STK33: variants seen among roughly 807,000 people sequenced by gnomAD.
STK33 encodes serine/threonine-protein kinase 33.
Under a neutral mutation model 58.0 loss-of-function variants are expected in STK33, and 52 were observed. The observed-to-expected ratio is 0.90, with a 90% confidence interval of 0.72 to 1.13. The LOEUF is 1.13. STK33 is among the 50% of genes most tolerant of loss of function. STK33 has a pLI of 0.00. For synonymous variants in STK33, 215 were observed against 200.1 expected (o/e 1.07, Z -0.63); for missense variants, 630 against 604.2 (o/e 1.04, Z -0.45).
intron 14 of STK33, 89 bp downstream of exon 14, chr11:8,435,405 T>G (rs1450706050): frequency 5.8e-6 from 4 of 690,156 alleles, no homozygotes; most frequent in East Asian, 6.5e-5. Context: ...ATTGACTGTT[T>G]TAAGACTATG....
chr11:8,486,023 A>G (rs967988454), intron 1 of STK33, among the ~76,000 whole-genome samples: 2 of 152,098 alleles, frequency 1.3e-5, no homozygotes, highest in African/African-American at 4.8e-5. Context: ...CTCTATTCCA[A>G]ATATCACAAT....
chr11:8,407,846 C>T (rs1304366904), intron 15 of STK33, among the ~76,000 whole-genome samples: 2 of 152,002 alleles, frequency 1.3e-5, no homozygotes, highest in Non-Finnish European at 2.9e-5. Context: ...GCTCAGCAAA[C>T]CCCAAGCAGG....
the STK33 span, among the ~76,000 whole-genome samples, chr11:8,364,531 C>G: frequency 6.6e-6 from 1 of 152,196 alleles, no homozygotes; most frequent in Non-Finnish European, 1.5e-5. Flanking sequence ...ATGGAGCAAC[C>G]TGCAAACTGA....
At chr11:8,556,102 G>T (rs1407232444) in intron 1 of STK33, among the ~76,000 whole-genome samples, 3 of 152,298 alleles carry the variant, frequency 2.0e-5, no homozygotes, top group Middle Eastern at 3.4e-3. Flanking sequence ...CAGAAGTTCT[G>T]TTGGCCAAGA....
At position 8,457,333 on chromosome 11, in the gene STK33, C is replaced by T; in HGVS notation, c.697+8G>A. 1 of 1,558,604 alleles carries T rather than the reference C, an allele frequency of 6.4e-7. No individual in the cohort carries two copies. Among genetic ancestry groups the T allele is most frequent in the Non-Finnish European group, 8.8e-7 (1 of 1,141,522 alleles). On this transcript the variant is annotated splice_region_variant and intron_variant, in intron 9 of 15. Transcript: ENST00000687296. ...TGGGGTCAATGAGCTGGATAACCCT[C>T]TTCTTACCATTATTGTGAAGATATG...
the STK33 span, among the ~76,000 whole-genome samples, chr11:8,335,158 G>T: frequency 6.6e-6 from 1 of 152,216 alleles, no homozygotes; most frequent in African/African-American, 2.4e-5. Context: ...AGAGAGGCCA[G>T]AAGTGCCTCG....
At chr11:8,453,354 C>T (rs1377622327) in intron 10 of STK33, among the ~76,000 whole-genome samples, 1 of 152,112 alleles carries the variant, frequency 6.6e-6, no homozygotes, top group Non-Finnish European at 1.5e-5. Flanking sequence ...AAATAATTAT[C>T]CCTGTCAGCA....
At chr11:8,541,384 C>A (rs1955508157) in intron 1 of STK33, among the ~76,000 whole-genome samples, 1 of 152,100 alleles carries the variant, frequency 6.6e-6, no homozygotes, top group Admixed American at 6.5e-5. Flanking sequence ...AACTCAGTAG[C>A]TATTGTCCAG....
chr11:8,339,665 C>G, the STK33 span, among the ~76,000 whole-genome samples: 1 of 152,244 alleles, frequency 6.6e-6, no homozygotes, highest in Admixed American at 6.5e-5. Context: ...CAGGGACCAG[C>G]CCAGACGTTC....
At chr11:8,398,534 T>A (rs1849786008) in intron 15 of STK33, among the ~76,000 whole-genome samples, 1 of 152,172 alleles carries the variant, frequency 6.6e-6, no homozygotes, top group Non-Finnish European at 1.5e-5. Context: ...CCATCAAGGC[T>A]AGGAAGAAAC....
rs377657376 is a variant in STK33 at position 8,523,133 on chromosome 11, G to A, written c.-465-42519C>T. Among the ~76,000 whole-genome samples the A allele has an allele frequency of 3.3e-5, 5 of 152,294 alleles. No individual in the cohort carries two copies. In the East Asian group the frequency reaches 9.7e-4, roughly 29 times the overall value. ...GGCTGGAGGGCAGTGGCGTGATCTC[G>A]GCTGGCTACAACCTCCACCTCCCAG... On this transcript the variant is annotated intron_variant, in intron 1 of 15. Coordinates refer to ENST00000687296, the MANE Select transcript of STK33 (RefSeq NM_001352389.2).
chr11:8,550,853 A>G (rs1956253399), intron 1 of STK33, among the ~76,000 whole-genome samples: 1 of 152,156 alleles, frequency 6.6e-6, no homozygotes, highest in Admixed American at 6.6e-5. Context: ...AAACTGTTGC[A>G]ACCCCTGCCT....
At chr11:8,452,949 T>C (rs752788419) in intron 10 of STK33, 43 bp from the exon 11 acceptor site, 44 of 1,515,852 alleles carry the variant, frequency 2.9e-5, no homozygotes, top group South Asian at 4.5e-5. Context: ...TTTCCTGTCC[T>C]AGAGCTCACT....
At position 8,513,092 on chromosome 11, in the gene STK33, A is replaced by G. The variant is rs183118834; in HGVS notation, c.-465-32478T>C. On this transcript the variant is annotated intron_variant, in intron 1 of 15. Coordinates refer to ENST00000687296, the MANE Select transcript of STK33 (RefSeq NM_001352389.2). ...GGCACTCTTATGAATAATGATGCAT[A>G]TAAGTTGCTAATGTATACCATCACT... Among the ~76,000 whole-genome samples the G allele has an allele frequency of 9.8e-5, 15 of 152,328 alleles. No individual in the cohort carries two copies. In the East Asian group the frequency reaches 2.3e-3, roughly 23 times the overall value.
At chr11:8,365,847 C>T in the STK33 span, among the ~76,000 whole-genome samples, 1 of 152,162 alleles carries the variant, frequency 6.6e-6, no homozygotes, top group Non-Finnish European at 1.5e-5. Flanking sequence ...GCCCACCTTC[C>T]ACCCCACAGA....
At chr11:8,454,064 T>C (rs994428980) in intron 10 of STK33, among the ~76,000 whole-genome samples, 1 of 152,230 alleles carries the variant, frequency 6.6e-6, no homozygotes, top group Non-Finnish European at 1.5e-5. Context: ...GAGTTTACAA[T>C]GGAACTGTTC....
chr11:8,457,562 A>G, intron 8 of STK33, 83 bp from the exon 9 acceptor site: 1 of 1,163,550 alleles, frequency 8.6e-7, no homozygotes, highest in Non-Finnish European at 1.2e-6. Flanking sequence ...ATATACAATC[A>G]CAGTCATAAT....
chr11:8,364,910 T>C, the STK33 span, among the ~76,000 whole-genome samples: 1 of 152,128 alleles, frequency 6.6e-6, no homozygotes, highest in Non-Finnish European at 1.5e-5. Flanking sequence ...CCACTTGGGT[T>C]CACCAATTAT....
chr11:8,413,650 T>A lies in STK33; in HGVS notation c.1189A>T (p.Met397Leu). 1 of 1,614,010 alleles carries A rather than the reference T, an allele frequency of 6.2e-7. No homozygotes were observed. The highest frequency in any genetic ancestry group is 2.2e-5 in the East Asian group (1 of 44,878). The change falls in exon 15 of 16, where the codon ATG becomes TTG. Residue 397 changes from methionine to leucine, a missense_variant. By Grantham distance (15) the Met-to-Leu change is conservative. Transcript: ENST00000687296. Reference sequence around the variant, plus strand: ...GGGTTATTTTTCCATTCCTTCATCATCTCTAATACATTGGTTGGTCTCACC... The same window carrying A: ...GGGTTATTTTTCCATTCCTTCATCAACTCTAATACATTGGTTGGTCTCACC... ...SSVRPTNVLE[M>L]MKEWKNNPES...
Sources: allele counts gnomAD v4.1 joint callset (sites outside exome capture counted in the v4.1 genomes callset), GRCh38; gene constraint gnomAD v4.1.1; transcripts MANE v1.5; gene names NCBI Gene and HGNC (gene_info 2026-07-23, HGNC 2026-07-21).